Variants in RABGAP1L observed in about 807,000 individuals in gnomAD.
RABGAP1L encodes rab GTPase-activating protein 1-like.
In RABGAP1L, 63 loss-of-function variants were observed where a neutral mutation model predicts 137.7. The ratio of observed to expected loss-of-function variants is 0.46; its 90% CI spans 0.37 to 0.56. The LOEUF is 0.56. Ranked by LOEUF, RABGAP1L falls within the 20% of genes least tolerant of loss-of-function variation. The probability of loss-of-function intolerance (pLI) is 0.00; values close to 1 mark genes in which losing one functional copy is unlikely to be tolerated. For synonymous variants in RABGAP1L, 431 were observed against 433.7 expected, an observed-to-expected ratio of 0.99 and a Z score of 0.08; for missense variants, 1,095 against 1,244.0, an observed-to-expected ratio of 0.88 and a Z score of 1.80.
intron 18 of RABGAP1L, among the ~76,000 whole-genome samples, chr1:174,786,787 C>T (rs959033836): frequency 1.3e-5 from 2 of 152,108 alleles, no homozygotes; most frequent in African/African-American, 4.8e-5. Context: ...GACATATATG[C>T]TTATTATCCC....
intron 13 of RABGAP1L, among the ~76,000 whole-genome samples, chr1:174,417,330 G>C (rs1423145821): frequency 6.6e-6 from 1 of 152,112 alleles, no homozygotes; most frequent in Non-Finnish European, 1.5e-5. Context: ...TATAGTTCAA[G>C]GTGCTAAATC....
At chr1:174,549,713 A>G (rs1449448750) in intron 13 of RABGAP1L, among the ~76,000 whole-genome samples, 1 of 152,220 alleles carries the variant, frequency 6.6e-6, no homozygotes, top group Non-Finnish European at 1.5e-5. Flanking sequence ...TTTCCTACAA[A>G]TAGTATAGAA....
At position 174,267,802 on chromosome 1, in the gene RABGAP1L, A is replaced by G. The variant is rs970688946; in HGVS notation, c.987-4612A>G. Among the ~76,000 whole-genome samples the G allele has an allele frequency of 4.6e-5, 7 of 152,364 alleles. No homozygotes were observed. In the Middle Eastern group the frequency reaches 0.01, roughly 222 times the overall value. On this transcript the variant is annotated intron_variant, in intron 7 of 25. Coordinates refer to ENST00000681986, the MANE Select transcript of RABGAP1L (RefSeq NM_001366446.1). ...TTTTTAACAATTGTCCTATATATTTATAACTGAAAGTAAGAGAGTTTTTGA... is the reference window on the plus strand; with the variant it reads ...TTTTTAACAATTGTCCTATATATTTGTAACTGAAAGTAAGAGAGTTTTTGA...
intron 13 of RABGAP1L, among the ~76,000 whole-genome samples, chr1:174,559,152 A>AT (rs562914889): frequency 7.9e-5 from 12 of 152,222 alleles, no homozygotes; most frequent in African/African-American, 2.6e-4. Context: ...GTGTTTTATC[A>AT]TTTTTTATAC....
intron 11 of RABGAP1L, among the ~76,000 whole-genome samples, chr1:174,359,948 C>T (rs1429092981): frequency 6.6e-6 from 1 of 152,158 alleles, no homozygotes; most frequent in Non-Finnish European, 1.5e-5. Context: ...CCTCTTTGGC[C>T]AAGTACTGTT....
At chr1:174,823,219 A>G (rs1691225731) in intron 19 of RABGAP1L, among the ~76,000 whole-genome samples, 1 of 152,192 alleles carries the variant, frequency 6.6e-6, no homozygotes, top group South Asian at 2.1e-4. Context: ...CCTAATGATT[A>G]TGCTCTTAAA....
At chr1:174,878,230 A>G (rs79656291) in intron 19 of RABGAP1L, among the ~76,000 whole-genome samples, 3,556 of 152,170 alleles carry the variant, frequency 0.023, 61 homozygotes, top group Middle Eastern at 0.085. Context: ...TACCTCTGAA[A>G]CCAACTTTTT....
At chr1:174,335,147 G>A (rs1681369066) in intron 11 of RABGAP1L, among the ~76,000 whole-genome samples, 1 of 152,074 alleles carries the variant, frequency 6.6e-6, no homozygotes, top group African/African-American at 2.4e-5. Context: ...TTATAGATCA[G>A]GTGTTTCATA....
chr1:174,761,911 G>T lies in RABGAP1L; in HGVS notation c.2211+9557G>T, dbSNP rs1217261850. Among the ~76,000 whole-genome samples, 1 of 152,100 alleles carries T rather than the reference G, an allele frequency of 6.6e-6. No homozygotes were observed. Among genetic ancestry groups the T allele is most frequent in the African/African-American group, 2.4e-5 (1 of 41,404 alleles). On this transcript the variant is annotated intron_variant, in intron 18 of 25. Transcript: ENST00000681986. This position sits in a 1 kb window ranked among gnomAD's most constrained non-coding sequence, Gnocchi z 4.0. ...AATATATAAATATAGTATATTAGAA[G>T]TTATAGTATTATGGGGAAAAGGAAA...
chr1:174,195,741 T>C (rs1021403850), intron 1 of RABGAP1L, among the ~76,000 whole-genome samples: 55 of 143,268 alleles, frequency 3.8e-4, no homozygotes, highest in Non-Finnish European at 7.7e-4. Flanking sequence ...TTTTCTTTCT[T>C]TCTTTCTTTC....
At chr1:174,391,845 A>G (rs1250218723) in intron 12 of RABGAP1L, among the ~76,000 whole-genome samples, 2 of 152,282 alleles carry the variant, frequency 1.3e-5, no homozygotes, top group East Asian at 3.9e-4. Context: ...AGAGGAAATG[A>G]CCTTTGCTCT....
At position 174,411,426 on chromosome 1, in the gene RABGAP1L, G is replaced by A. The variant is rs1449257313; in HGVS notation, c.1710+17281G>A. Among the ~76,000 whole-genome samples the A allele has an allele frequency of 2.0e-5, 3 of 152,066 alleles. No individual in the cohort carries two copies. In the East Asian group the frequency reaches 5.8e-4, roughly 29 times the overall value. On this transcript the variant is annotated intron_variant, in intron 13 of 25. Coordinates refer to ENST00000681986, the MANE Select transcript of RABGAP1L (RefSeq NM_001366446.1). Reference sequence around the variant, plus strand: ...GTTGCTTTGATTCCTGGTTTCTTGAGTATTTTTATCATGAAGGGATGTTGG... The same window carrying A: ...GTTGCTTTGATTCCTGGTTTCTTGAATATTTTTATCATGAAGGGATGTTGG...
chr1:174,817,230 T>G (rs1690532513), intron 19 of RABGAP1L, among the ~76,000 whole-genome samples: 1 of 152,180 alleles, frequency 6.6e-6, no homozygotes, highest in African/African-American at 2.4e-5. Flanking sequence ...TAAAATAATT[T>G]GAGCAAAATT....
intron 13 of RABGAP1L, among the ~76,000 whole-genome samples, chr1:174,496,284 T>C (rs1660726239): frequency 6.6e-6 from 1 of 152,194 alleles, no homozygotes; most frequent in Non-Finnish European, 1.5e-5. Flanking sequence ...TAGGTCAGTG[T>C]CTTTATTCCC....
At chr1:174,580,279 G>A (rs1392721527) in intron 13 of RABGAP1L, among the ~76,000 whole-genome samples, 1 of 152,116 alleles carries the variant, frequency 6.6e-6, no homozygotes, top group Non-Finnish European at 1.5e-5. Flanking sequence ...TCCCATTACT[G>A]GGTATATGCC....
chr1:174,405,379 T>C (rs561662268), intron 13 of RABGAP1L, among the ~76,000 whole-genome samples: 17 of 152,298 alleles, frequency 1.1e-4, no homozygotes, highest in African/African-American at 3.6e-4. Context: ...AGAGCATCGC[T>C]TAATTATATG....
intron 19 of RABGAP1L, chr1:174,922,069 A>T (rs1270464923): frequency 6.6e-6 from 1 of 152,178 alleles, no homozygotes; most frequent in African/African-American, 2.4e-5. Flanking sequence ...TCCAGAAGAT[A>T]GCTTTTCTTC....
chr1:174,857,209 T>G (rs917802672), intron 19 of RABGAP1L, among the ~76,000 whole-genome samples: 1 of 152,128 alleles, frequency 6.6e-6, no homozygotes, highest in Non-Finnish European at 1.5e-5. Context: ...AGCTGTAAAA[T>G]TATACCCAGA....
chr1:174,333,362 A>G (rs1558140805), intron 11 of RABGAP1L, among the ~76,000 whole-genome samples: 3 of 152,358 alleles, frequency 2.0e-5, no homozygotes, highest in South Asian at 2.1e-4. Context: ...TAAGGTGATC[A>G]TATGCTAATT....
Sources: allele counts gnomAD v4.1 joint callset (sites outside exome capture counted in the v4.1 genomes callset), GRCh38; gene constraint gnomAD v4.1.1; non-coding constraint Gnocchi (gnomAD v3.1); transcripts MANE v1.5; gene names NCBI Gene and HGNC (gene_info 2026-07-23, HGNC 2026-07-21).